MAGI2: variants seen among roughly 807,000 people sequenced by gnomAD.
The protein encoded by MAGI2 is membrane associated guanylate kinase, WW and PDZ domain containing 2.
In MAGI2, 35 loss-of-function variants were observed where a neutral mutation model predicts 133.3. The ratio of observed to expected loss-of-function variants is 0.26; its 90% CI spans 0.20 to 0.35. The LOEUF (loss-of-function observed/expected upper bound fraction) is 0.35. Ranked by LOEUF, MAGI2 falls within the 10% of genes least tolerant of loss-of-function variation. The pLI is 1.00. For missense variants in MAGI2, 1,636 were observed against 1,863.4 expected (o/e 0.88, Z 2.25); for synonymous variants, 729 against 710.6 (o/e 1.03, Z -0.41).
At chr7:78,849,746 A>G (rs1258323526) in intron 2 of MAGI2, among the ~76,000 whole-genome samples, 1 of 152,074 alleles carries the variant, frequency 6.6e-6, no homozygotes, top group Non-Finnish European at 1.5e-5. Flanking sequence ...CTGACACTTA[A>G]GATTGATATA....
chr7:78,331,694 T>G (rs1484133832), intron 9 of MAGI2, among the ~76,000 whole-genome samples: 2 of 152,180 alleles, frequency 1.3e-5, no homozygotes, highest in Non-Finnish European at 2.9e-5. Flanking sequence ...TTCAGAATTC[T>G]TTTTAAAATG....
chr7:79,041,638 C>T (rs892809388), intron 1 of MAGI2, among the ~76,000 whole-genome samples: 1 of 151,784 alleles, frequency 6.6e-6, no homozygotes, highest in Admixed American at 6.6e-5. Context: ...GAGGGCATGC[C>T]TAGATATAGA....
At chr7:78,030,332 C>T (rs1263404380) in intron 21 of MAGI2, among the ~76,000 whole-genome samples, 1 of 152,194 alleles carries the variant, frequency 6.6e-6, no homozygotes, top group Non-Finnish European at 1.5e-5. Context: ...GGTGCGATCT[C>T]AGCTCACTGT....
chr7:78,469,354 CAG>C (rs971051044), intron 6 of MAGI2, among the ~76,000 whole-genome samples: 2 of 152,090 alleles, frequency 1.3e-5, no homozygotes, highest in African/African-American at 4.8e-5. Context: ...CTCTAGAGAG[CAG>C]AGAGAGTCTC....
At chr7:78,885,628 A>T (rs200212409) in intron 2 of MAGI2, among the ~76,000 whole-genome samples, 2 of 148,858 alleles carry the variant, frequency 1.3e-5, no homozygotes, top group Admixed American at 6.7e-5. Flanking sequence ...TGAAAGGAAT[A>T]GTGTGTGTGT....
At chr7:78,873,142 CTT>C (rs983004612) in intron 2 of MAGI2, among the ~76,000 whole-genome samples, 1 of 152,130 alleles carries the variant, frequency 6.6e-6, no homozygotes, top group African/African-American at 2.4e-5. Flanking sequence ...CATTTAGTAA[CTT>C]AGATGACGAT....
At chr7:78,326,508 C>T (rs17344981) in intron 9 of MAGI2, among the ~76,000 whole-genome samples, 2,704 of 152,266 alleles carry the variant, frequency 0.018, 39 homozygotes, top group Non-Finnish European at 0.027. Flanking sequence ...ATCCACAGAT[C>T]CCCAGGACCT....
intron 2 of MAGI2, among the ~76,000 whole-genome samples, chr7:78,871,745 T>G (rs117726318): frequency 0.025 from 3,809 of 152,130 alleles, 74 homozygotes; most frequent in Middle Eastern, 0.048. Flanking sequence ...AAAAAAGAGT[T>G]ACCATTTGCA....
intron 2 of MAGI2, among the ~76,000 whole-genome samples, chr7:78,714,532 A>T (rs56277847): frequency 0.049 from 7,495 of 152,252 alleles, 271 homozygotes; most frequent in Non-Finnish European, 0.077. Context: ...ACAACGAGGC[A>T]TTGGAAATCT....
chr7:78,439,376 GC>G (rs1584123422), intron 6 of MAGI2, among the ~76,000 whole-genome samples: 1 of 121,638 alleles, frequency 8.2e-6, no homozygotes, highest in East Asian at 2.4e-4. Flanking sequence ...TAATTACAGT[GC>G]CTAACTGTGT....
intron 17 of MAGI2, chr7:78,133,986 A>C (rs1174221084): frequency 6.6e-6 from 1 of 151,260 alleles, no homozygotes; most frequent in African/African-American, 2.4e-5. Context: ...CAGACTCAGC[A>C]CTGTTGGCAT....
At chr7:78,813,389 T>G (rs1386904786) in intron 2 of MAGI2, among the ~76,000 whole-genome samples, 1 of 152,156 alleles carries the variant, frequency 6.6e-6, no homozygotes, top group Non-Finnish European at 1.5e-5. Context: ...AGTTCAATAT[T>G]TGAGAATCTA....
intron 2 of MAGI2, among the ~76,000 whole-genome samples, chr7:78,936,616 T>C (rs1369510536): frequency 1.3e-5 from 2 of 152,194 alleles, no homozygotes; most frequent in South Asian, 4.1e-4. Context: ...TTCCTATTAA[T>C]GCATACTCAT....
intron 2 of MAGI2, among the ~76,000 whole-genome samples, chr7:78,735,402 G>A (rs1231904365): frequency 6.6e-6 from 1 of 152,136 alleles, no homozygotes; most frequent in Non-Finnish European, 1.5e-5. Flanking sequence ...ACTGGACTAT[G>A]AGATAGGAAA....
At chr7:78,446,633 C>G (rs1788170359) in intron 6 of MAGI2, among the ~76,000 whole-genome samples, 1 of 152,062 alleles carries the variant, frequency 6.6e-6, no homozygotes, top group Non-Finnish European at 1.5e-5. Context: ...TGCATGTCCT[C>G]TGCAGTCAAG....
chr7:78,752,432 G>A (rs371722913), intron 2 of MAGI2, among the ~76,000 whole-genome samples: 9 of 152,094 alleles, frequency 5.9e-5, no homozygotes, highest in Middle Eastern at 3.4e-3. Context: ...GTGAAACCCC[G>A]TCACTACTAA....
intron 9 of MAGI2, among the ~76,000 whole-genome samples, chr7:78,298,656 C>G (rs934789413): frequency 6.6e-6 from 1 of 151,844 alleles, no homozygotes; most frequent in Non-Finnish European, 1.5e-5. Context: ...GGAACTGCCA[C>G]CACCCTTGGC....
intron 1 of MAGI2, among the ~76,000 whole-genome samples, chr7:79,071,612 C>T (rs1200958022): frequency 7.0e-6 from 1 of 143,852 alleles, no homozygotes; most frequent in Non-Finnish European, 1.5e-5. Context: ...AAGTCCCTGA[C>T]TGGGCTTCCT....
intron 3 of MAGI2, among the ~76,000 whole-genome samples, chr7:78,534,936 C>T (rs976752052): frequency 2.6e-5 from 4 of 152,086 alleles, no homozygotes; most frequent in Non-Finnish European, 4.4e-5. Flanking sequence ...AGTTCAAGAC[C>T]AGCCTGGCCA....
Sources: gnomAD v4.1 joint callset for allele counts (sites outside exome capture counted in the v4.1 genomes callset) on GRCh38, gnomAD v4.1.1 for gene constraint, MANE v1.5 for transcripts, NCBI Gene and HGNC (gene_info 2026-07-23, HGNC 2026-07-21) for gene names.